CNOT10: variants seen among roughly 807,000 people sequenced by gnomAD.
CNOT10 encodes the protein CCR4-NOT transcription complex, subunit 10.
A neutral mutation model predicts 94.6 loss-of-function variants in CNOT10; 30 were observed. That is an observed-to-expected ratio of 0.32 (90% CI 0.24 to 0.43). CNOT10 has a LOEUF of 0.43. CNOT10 is among the 20% of genes least tolerant of loss of function. CNOT10 has a pLI of 1.00. For synonymous variants in CNOT10, 289 were observed against 301.6 expected (o/e 0.96, Z 0.43); for missense variants, 759 against 877.2 (o/e 0.87, Z 1.70).
At chr3:32,704,667 CTT>C (rs1361998094) in intron 2 of CNOT10, 142 bp from the exon 3 acceptor site, 4 of 857,858 alleles carry the variant, frequency 4.7e-6, no homozygotes, top group Non-Finnish European at 5.1e-6. Context: ...GCTTTAGTGA[CTT>C]TGATTAGTAT....
In CNOT10 at chr3:32,773,448, T is replaced by C; in HGVS notation, c.2081-9T>C. 1 of 1,605,260 alleles carries C rather than the reference T, an allele frequency of 6.2e-7. No homozygotes were observed. Among genetic ancestry groups the C allele is most frequent in the Non-Finnish European group, 8.5e-7 (1 of 1,175,896 alleles). ...GTGCTTTGTTTTTTAACGGGAAGTGTTTTTATAGGTAATACTCAGCTGGCC... is the reference window on the plus strand; with the variant it reads ...GTGCTTTGTTTTTTAACGGGAAGTGCTTTTATAGGTAATACTCAGCTGGCC... On this transcript the variant is annotated splice_polypyrimidine_tract_variant and intron_variant, in intron 18 of 18. Transcript: ENST00000328834.
In CNOT10 at chr3:32,737,620, C is replaced by T. The variant is rs187779953; in HGVS notation, c.1595+130C>T. 4.0e-3 allele frequency: 2,119 copies of T among 535,262 alleles called. 5 individuals are homozygous for T. The highest frequency in any genetic ancestry group is 4.4e-3 in the Non-Finnish European group (1,330 of 299,586). 33.2% of individuals were successfully genotyped at this position (535,262 alleles called of 1,614,324 possible). ...CTGGTGGATCACTAGGTCAGGAGTT[C>T]GAGACCAGCCTGGCCAAGATAGTGA... On this transcript the variant is annotated intron_variant, in intron 13 of 18. Coordinates refer to ENST00000328834, the MANE Select transcript of CNOT10 (RefSeq NM_015442.3).
chr3:32,745,024 G>A (rs968034695), intron 13 of CNOT10, among the ~76,000 whole-genome samples: 28 of 151,982 alleles, frequency 1.8e-4, no homozygotes, highest in African/African-American at 6.3e-4. Context: ...GATTACAGGC[G>A]TGTGCCACAA....
chr3:32,705,088 T>C, intron 3 of CNOT10, 116 bp downstream of exon 3: 2 of 712,844 alleles, frequency 2.8e-6, no homozygotes, highest in Non-Finnish European at 4.4e-6. Context: ...CAGAAACATT[T>C]GTTAGCATTA....
At chr3:32,721,467 T>C (rs1559492010) in intron 8 of CNOT10, among the ~76,000 whole-genome samples, 1 of 123,180 alleles carries the variant, frequency 8.1e-6, no homozygotes. Context: ...TGAATTACCA[T>C]CTATACCAGA....
In CNOT10 at chr3:32,762,835, A is replaced by G. The variant is rs763377799; in HGVS notation, c.1812A>G (p.Leu604=). 1.3e-6 allele frequency: 2 copies of G among 1,571,528 alleles called. No individual in the cohort carries two copies. The highest frequency in any genetic ancestry group is 1.7e-6 in the Non-Finnish European group (2 of 1,167,118). Residue 604 remains leucine, a synonymous_variant, in exon 15 of 19, where the codon TTA becomes TTG. Transcript: ENST00000328834. Reference sequence around the variant, plus strand: ...CGGAGAATGTCACTGATGTCTCCTTAGGGATCTCTTCAAATGAGCAGGACC... The same window carrying G: ...CGGAGAATGTCACTGATGTCTCCTTGGGGATCTCTTCAAATGAGCAGGACC... ...LNPENVTDVS[L]GISSNEQDQG...
At chr3:32,695,772 A>G in intron 1 of CNOT10, 2 of 1,536,002 alleles carry the variant, frequency 1.3e-6, no homozygotes, top group Non-Finnish European at 1.7e-6. Context: ...TTGGCAACGG[A>G]GACTACTTTT....
At chr3:32,772,671 T>G (rs920029018) in intron 18 of CNOT10, among the ~76,000 whole-genome samples, 2 of 152,094 alleles carry the variant, frequency 1.3e-5, no homozygotes, top group East Asian at 3.9e-4. Flanking sequence ...CACTCTAGCC[T>G]GGGCCACAGA....
intron 13 of CNOT10, chr3:32,752,883 C>A: frequency 3.0e-6 from 1 of 332,894 alleles, no homozygotes; most frequent in Non-Finnish European, 5.9e-6. Context: ...AGTAGCAGCT[C>A]CGGCGGCAGC....
intron 5 of CNOT10, 152 bp downstream of exon 5, chr3:32,713,521 T>A (rs1697979900): frequency 1.6e-6 from 1 of 628,626 alleles, no homozygotes; most frequent in Admixed American, 3.8e-5. Context: ...TTTCATATTA[T>A]AAGCTTTACC....
intron 7 of CNOT10, 135 bp from the exon 8 acceptor site, chr3:32,719,979 A>T: frequency 2.2e-6 from 1 of 448,880 alleles, no homozygotes; most frequent in Non-Finnish European, 4.1e-6. Flanking sequence ...AAAAATTTAG[A>T]GACTATATAA....
intron 9 of CNOT10, among the ~76,000 whole-genome samples, chr3:32,727,051 TG>T (rs1032275988): frequency 6.6e-6 from 1 of 151,972 alleles, no homozygotes; most frequent in Non-Finnish European, 1.5e-5. Flanking sequence ...TTCACTATTT[TG>T]GCCAGTCTGG....
At position 32,695,571 on chromosome 3, in the gene CNOT10, G is replaced by A. The variant is rs980537461; in HGVS notation, c.23-8297G>A. 49 of 1,527,008 alleles carry A rather than the reference G, an allele frequency of 3.2e-5. No homozygotes were observed. In the Middle Eastern group the frequency reaches 1.0e-3, roughly 31 times the overall value. 94.6% of individuals were successfully genotyped at this position (1,527,008 alleles called of 1,614,324 possible). A position where few individuals can be genotyped will look rare whatever the true frequency, so the allele number is the denominator to read the frequency against. On this transcript the variant is annotated intron_variant, in intron 1 of 18. Transcript: ENST00000328834. ...ACTGATGATTTTCAGTTTTGAAAAC[G>A]TGGTGCATTTCTTTTCTGCTTAGTT...
intron 4 of CNOT10, among the ~76,000 whole-genome samples, chr3:32,711,617 T>C (rs575543534): frequency 6.6e-6 from 1 of 152,246 alleles, no homozygotes; most frequent in African/African-American, 2.4e-5. Context: ...AAGCAAGGCC[T>C]GGGATGAGAT....
chr3:32,764,837 C>G (rs1700597710), intron 17 of CNOT10, 28 bp downstream of exon 17: 1 of 1,607,304 alleles, frequency 6.2e-7, no homozygotes, highest in Non-Finnish European at 8.5e-7. Flanking sequence ...GGAACTGAAC[C>G]TTGTAAAGCA....
In CNOT10 at chr3:32,725,447, C is replaced by T; in HGVS notation, c.863-3C>T. 1 of 1,610,490 alleles carries T rather than the reference C, an allele frequency of 6.2e-7. No homozygotes were observed. The highest frequency in any genetic ancestry group is 8.5e-7 in the Non-Finnish European group (1 of 1,178,740). The stretch of plus-strand genomic sequence containing the variant: ...TGGACAAATTTATTTGCATTTTTTT[C>T]AGGTGAATGCTTGAGATGCATGTTC... On this transcript the variant is annotated splice_region_variant and splice_polypyrimidine_tract_variant and intron_variant, in intron 8 of 18. Transcript: ENST00000328834.
At chr3:32,692,852 C>G (rs749269271) in intron 1 of CNOT10, among the ~76,000 whole-genome samples, 83 of 152,074 alleles carry the variant, frequency 5.5e-4, no homozygotes, top group Non-Finnish European at 9.3e-4. Context: ...TCAAGAGCAG[C>G]CTGGGCAACA....
At position 32,718,258 on chromosome 3, in the gene CNOT10, C is replaced by CTT. The variant is rs376879885; in HGVS notation, c.744+1042_744+1043dup. On this transcript the variant is annotated intron_variant, in intron 7 of 18. Coordinates refer to ENST00000328834, the MANE Select transcript of CNOT10 (RefSeq NM_015442.3). ...AGTTAGCCAGCCACCCATTATCAAA[C>CTT]TTTTTTTTTTTTTTTTTTTTTTAAT... is the stretch of plus-strand genomic sequence containing the variant. Among the ~76,000 whole-genome samples, 1,020 of 116,986 alleles carry CTT rather than the reference C, an allele frequency of 8.7e-3. 16 individuals are homozygous for CTT. The highest frequency in any genetic ancestry group is 0.03 in the African/African-American group (955 of 31,710). 76.7% of individuals were successfully genotyped at this position (116,986 alleles called of 152,430 possible). A position where few individuals can be genotyped will look rare whatever the true frequency, so the allele number is the denominator to read the frequency against.
intron 11 of CNOT10, among the ~76,000 whole-genome samples, chr3:32,734,095 T>A (rs973967893): frequency 6.6e-6 from 1 of 152,194 alleles, no homozygotes; most frequent in Non-Finnish European, 1.5e-5. Context: ...AGAAGAAAAT[T>A]GTTCTCTACC....
Sources: gnomAD v4.1 joint callset for allele counts (sites outside exome capture counted in the v4.1 genomes callset) on GRCh38, gnomAD v4.1.1 for gene constraint, MANE v1.5 for transcripts, NCBI Gene and HGNC (gene_info 2026-07-23, HGNC 2026-07-21) for gene names.